The following CHML variants were observed in gnomAD, a reference collection of about 807,000 sequenced individuals.
CHML encodes CHM like Rab escort protein.
A neutral mutation model predicts 30.4 loss-of-function variants in CHML; 20 were observed. The ratio of observed to expected loss-of-function variants is 0.66; its 90% CI spans 0.46 to 0.95. CHML has a LOEUF of 0.95. Among genes scored for constraint, CHML ranks in the 40% least tolerant of loss-of-function variants. The pLI is 0.00. For missense variants in CHML, 795 were observed against 768.5 expected (o/e 1.03, Z -0.41); for synonymous variants, 281 against 275.0 (o/e 1.02, Z -0.22).
chr1:241,634,665 C>T lies in CHML; in HGVS notation c.1102G>A (p.Gly368Arg), dbSNP rs201421933. The change falls in exon 2 of 2, where the codon GGA (glycine) becomes AGA (arginine). Residue 368 changes from glycine (G) to arginine (R), a missense_variant. Gly to Arg is a moderately radical substitution (Grantham distance 125). Transcript: ENST00000366553. ...NATKNFLQCL[G>R]RFGNTPFLFP... ...AAAAAGGGGGTGTTGCCAAACCGTC[C>T]GAGACACTGAAGGAAGTTTTTAGTT... 1.1e-5 allele frequency: 17 copies of T among 1,613,764 alleles called. No individual in the cohort carries two copies. The Middle Eastern group carries it at 4.9e-4, about 47-fold the overall frequency.
In CHML at chr1:241,634,040, A is replaced by T; in HGVS notation, c.1727T>A (p.Val576Asp). 2 of 1,613,042 alleles carry T rather than the reference A, an allele frequency of 1.2e-6. No homozygotes were observed. The highest frequency in any genetic ancestry group is 1.7e-6 in the Non-Finnish European group (2 of 1,179,672). ...SYNGLPSNVY[V>D]CSGPDCGLGN... ...CAGGCCACAGTCAGGCCCAGAGCAGACATAAACATTGGAAGGCAAGCCATT... is the reference window on the plus strand; with the variant it reads ...CAGGCCACAGTCAGGCCCAGAGCAGTCATAAACATTGGAAGGCAAGCCATT... The change falls in exon 2 of 2, where the codon GTC (valine) becomes GAC (aspartate). Residue 576 changes from valine (V) to aspartate (D), a missense_variant. Coordinates refer to ENST00000366553, the MANE Select transcript of CHML (RefSeq NM_001381853.1).
Position 241,634,816 on chromosome 1 carries a change from G to A in CHML, c.951C>T (p.Phe317=), listed in dbSNP as rs1191662574. 6.2e-6 allele frequency: 10 copies of A among 1,613,446 alleles called. No individual in the cohort carries two copies. In the Admixed American group the frequency reaches 1.7e-4, roughly 27 times the overall value. Reference sequence around the variant, plus strand: ...AGTATTCTGAAAATGAACACTGCCTGAAAGCTTGGTATTCATCAGGATGTT... The same window carrying A: ...AGTATTCTGAAAATGAACACTGCCTAAAAGCTTGGTATTCATCAGGATGTT... The part of the protein sequence containing the change: ...YEQHPDEYQA[F]RQCSFSEYLK... The change falls in exon 2 of 2, where the codon TTC becomes TTT. Residue 317 remains phenylalanine (F), a synonymous_variant. Coordinates refer to ENST00000366553, the MANE Select transcript of CHML (RefSeq NM_001381853.1).
chr1:241,640,299 G>A lies in CHML; in HGVS notation c.-725C>T, dbSNP rs538114581. The stretch of plus-strand genomic sequence containing the variant: ...TGGCGGGCGGAGGCGCTCAGCTTGC[G>A]GCGGGGCTCGCGGCGCGCTCCGCAC... On this transcript the variant is annotated 5_prime_UTR_variant, in exon 1 of 2. Coordinates refer to ENST00000366553, the MANE Select transcript of CHML (RefSeq NM_001381853.1). 11,501 of 1,122,296 alleles carry A rather than the reference G, an allele frequency of 0.01. 68 individuals are homozygous for A. Among genetic ancestry groups the A allele is most frequent in the Non-Finnish European group, 0.011 (10,529 of 921,430 alleles). The allele number at this position is 1,122,296 out of a possible 1,614,324, so 69.5% of individuals were successfully genotyped here.
At chr1:241,637,775 C>CCGCACAATGCATGAGT (rs372964690) in intron 1 of CHML, among the ~76,000 whole-genome samples, 33 of 152,128 alleles carry the variant, frequency 2.2e-4, no homozygotes, top group African/African-American at 6.3e-4. Context: ...TTGAGAAAGC[C>CCGCACAATGCATGAGT]CGCACAATGC....
chr1:241,630,505 A>G lies in CHML; in HGVS notation c.*3291T>C, dbSNP rs975747628. On this transcript the variant is annotated 3_prime_UTR_variant, in exon 2 of 2. Transcript: ENST00000366553. ...GCAACTTCTTGAATTAGTCTTTGTT[A>G]GTACATTTTTATACTATAAGTTTTA... 14 of 152,106 alleles carry G rather than the reference A, an allele frequency of 9.2e-5. No homozygotes were observed. The highest frequency in any genetic ancestry group is 1.4e-4 in the African/African-American group (6 of 41,462). 9.4% of individuals were successfully genotyped at this position (152,106 alleles called of 1,614,324 possible). A position where few individuals can be genotyped will look rare whatever the true frequency, so the allele number is the denominator to read the frequency against.
At chr1:241,636,925 C>T (rs1031414084) in intron 1 of CHML, among the ~76,000 whole-genome samples, 2 of 150,570 alleles carry the variant, frequency 1.3e-5, no homozygotes, top group South Asian at 2.1e-4. Flanking sequence ...AAGACTAACA[C>T]TGTTTGTTCT....
intron 1 of CHML, among the ~76,000 whole-genome samples, chr1:241,639,609 G>C (rs1029513760): frequency 6.6e-6 from 1 of 151,840 alleles, no homozygotes; most frequent in African/African-American, 2.4e-5. Flanking sequence ...CGGGGTTTGG[G>C]GTCAACGTGG....
Position 241,634,863 on chromosome 1 carries a change from T to G in CHML, c.904A>C (p.Thr302Pro). The change falls in exon 2 of 2, where the codon ACA becomes CCA. Residue 302 changes from threonine to proline, a missense_variant. By Grantham distance (38) the Thr-to-Pro change is conservative. Coordinates refer to ENST00000366553, the MANE Select transcript of CHML (RefSeq NM_001381853.1). ...VEKRMLMKFL[T>P]FCLEYEQHPD... Reference sequence around the variant, plus strand: ...TGTTGTTCATACTCTAAACAAAATGTGAGAAATTTCATTAGCATCCTCTTT... The same window carrying G: ...TGTTGTTCATACTCTAAACAAAATGGGAGAAATTTCATTAGCATCCTCTTT... The G allele has an allele frequency of 6.2e-7, 1 of 1,609,832 alleles. No homozygotes were observed. The highest frequency in any genetic ancestry group is 8.5e-7 in the Non-Finnish European group (1 of 1,178,410).
At position 241,629,823 on chromosome 1, in the gene CHML, ATT is replaced by A. The variant is rs1664552360; in HGVS notation, c.*3971_*3972del. ...AATATTTCTTTCTTTCCATTGGCTT[ATT>A]AATTTCAGTTAAACTTTCTACTTGG... On this transcript the variant is annotated 3_prime_UTR_variant, in exon 2 of 2. Coordinates refer to ENST00000366553, the MANE Select transcript of CHML (RefSeq NM_001381853.1). The A allele has an allele frequency of 1.3e-5, 2 of 152,200 alleles. No individual in the cohort carries two copies. The highest frequency in any genetic ancestry group is 3.4e-3 in the Middle Eastern group (1 of 294). 9.4% of individuals were successfully genotyped at this position (152,200 alleles called of 1,614,324 possible).
At position 241,635,984 on chromosome 1, in the gene CHML, T is replaced by C; in HGVS notation, c.-218A>G. 1 of 509,966 alleles carries C rather than the reference T, an allele frequency of 2.0e-6. No homozygotes were observed. The allele number at this position is 509,966 out of a possible 1,614,324, so 31.6% of individuals were successfully genotyped here. On this transcript the variant is annotated 5_prime_UTR_variant, in exon 2 of 2. An upstream open reading frame in the 5' UTR loses its in-frame stop. Coordinates refer to ENST00000366553, the MANE Select transcript of CHML (RefSeq NM_001381853.1). ...TACATCTAATCACATCTGAGAATAC[T>C]AAAATGGATGTGTGGTTTCATTTCT...
chr1:241,635,265 C>T lies in CHML; in HGVS notation c.502G>A (p.Glu168Lys). Reference sequence around the variant, plus strand: ...ACTGATTCCTCTACATCAGTTACTTCTAGTGAAATCTCTGTATCACTTTTC... The same window carrying T: ...ACTGATTCCTCTACATCAGTTACTTTTAGTGAAATCTCTGTATCACTTTTC... ...TQKSDTEISL[E>K]VTDVEESVEK... Residue 168 changes from glutamate (E) to lysine (K), a missense_variant, in exon 2 of 2, where the codon GAA (glutamate) becomes AAA (lysine). Physicochemically the swap from Glu to Lys is moderately conservative, Grantham distance 56. Coordinates refer to ENST00000366553, the MANE Select transcript of CHML (RefSeq NM_001381853.1). 1 of 1,613,940 alleles carries T rather than the reference C, an allele frequency of 6.2e-7. No homozygotes were observed. Among genetic ancestry groups the T allele is most frequent in the Non-Finnish European group, 8.5e-7 (1 of 1,179,944 alleles).
Position 241,634,767 on chromosome 1 carries a change from T to C in CHML, c.1000A>G (p.Asn334Asp). 1 of 1,613,988 alleles carries C rather than the reference T, an allele frequency of 6.2e-7. No individual in the cohort carries two copies. The highest frequency in any genetic ancestry group is 8.5e-7 in the Non-Finnish European group (1 of 1,179,890). ...EYLKTKKLTP[N>D]LQHFVLHSIA... Reference sequence around the variant, plus strand: ...GAGTGCAGTACAAAATGTTGAAGGTTGGGAGTTAGTTTTTTAGTTTTTAAG... The same window carrying C: ...GAGTGCAGTACAAAATGTTGAAGGTCGGGAGTTAGTTTTTTAGTTTTTAAG... Residue 334 changes from asparagine to aspartate, a missense_variant, in exon 2 of 2, where the codon AAC becomes GAC. Coordinates refer to ENST00000366553, the MANE Select transcript of CHML (RefSeq NM_001381853.1).
rs1451779277 is a variant in CHML at position 241,630,260 on chromosome 1, T to G, written c.*3536A>C. On this transcript the variant is annotated 3_prime_UTR_variant, in exon 2 of 2. Coordinates refer to ENST00000366553, the MANE Select transcript of CHML (RefSeq NM_001381853.1). ...ACTCCCCATCTCCCCATGTACTACTTTTCCACTACACTGGCATGGCTCCCA... is the reference window on the plus strand; with the variant it reads ...ACTCCCCATCTCCCCATGTACTACTGTTCCACTACACTGGCATGGCTCCCA... The G allele has an allele frequency of 6.6e-6, 1 of 152,068 alleles. No homozygotes were observed. Among genetic ancestry groups the G allele is most frequent in the Non-Finnish European group, 1.5e-5 (1 of 67,928 alleles). The allele number at this position is 152,068 out of a possible 1,614,324, so 9.4% of individuals were successfully genotyped here. A position where few individuals can be genotyped will look rare whatever the true frequency, so the allele number is the denominator to read the frequency against.
chr1:241,635,051 T>G lies in CHML; in HGVS notation c.716A>C (p.Tyr239Ser). 6.2e-7 allele frequency: 1 copy of G among 1,613,200 alleles called. No homozygotes were observed. The highest frequency in any genetic ancestry group is 1.3e-5 in the African/African-American group (1 of 75,016). Reference sequence around the variant, plus strand: ...AAGATCAATTAGCAATCCTTGAGAATACAGCAGTTTTGACACCAAATCAAT... The same window carrying G: ...AAGATCAATTAGCAATCCTTGAGAAGACAGCAGTTTTGACACCAAATCAAT... ...FNIDLVSKLL[Y>S]SQGLLIDLLI... The change falls in exon 2 of 2, where the codon TAT (tyrosine) becomes TCT (serine). Residue 239 changes from tyrosine (Y) to serine (S), a missense_variant. Tyr to Ser is a moderately radical substitution (Grantham distance 144, BLOSUM62 -2). Transcript: ENST00000366553.
chr1:241,639,249 T>C (rs1164020913), intron 1 of CHML: 1 of 152,254 alleles, frequency 6.6e-6, no homozygotes, highest in African/African-American at 2.4e-5. Flanking sequence ...AACCCATCTA[T>C]AAGACGGAAA....
rs1664724613 is a variant in CHML at position 241,633,397 on chromosome 1, A to G, written c.*399T>C. The G allele has an allele frequency of 5.7e-6, 1 of 175,030 alleles. No homozygotes were observed. The highest frequency in any genetic ancestry group is 1.3e-4 in the South Asian group (1 of 7,848). The allele number at this position is 175,030 out of a possible 1,614,324, so 10.8% of individuals were successfully genotyped here. ...TATTCGAACAGGCCGCAGCAACTGTAACAGCTGCAAAAGTAATTAAAATAT... is the reference window on the plus strand; with the variant it reads ...TATTCGAACAGGCCGCAGCAACTGTGACAGCTGCAAAAGTAATTAAAATAT... On this transcript the variant is annotated 3_prime_UTR_variant, in exon 2 of 2. Coordinates refer to ENST00000366553, the MANE Select transcript of CHML (RefSeq NM_001381853.1).
In CHML at chr1:241,640,097, A is replaced by G; in HGVS notation, c.-523T>C. 6.2e-7 allele frequency: 1 copy of G among 1,607,486 alleles called. No individual in the cohort carries two copies. The highest frequency in any genetic ancestry group is 8.5e-7 in the Non-Finnish European group (1 of 1,177,466). ...CAGCAGGTTGTTGCCGACGCCCAGC[A>G]GCCCAATGGAGCCCAGCAGCAGCGC... On this transcript the variant is annotated 5_prime_UTR_variant, in exon 1 of 2. Transcript: ENST00000366553.
Position 241,634,629 on chromosome 1 carries a change from A to T in CHML, c.1138T>A (p.Tyr380Asn). Residue 380 changes from tyrosine to asparagine, a missense_variant, in exon 2 of 2, where the codon TAT (tyrosine) becomes AAT (asparagine). Physicochemically the swap from Tyr to Asn is moderately radical, Grantham distance 143 (BLOSUM62 -2). Transcript: ENST00000366553. ...FGNTPFLFPL[Y>N]GQGEIPQGFC... Reference sequence around the variant, plus strand: ...CCCTGGGGAATTTCTCCTTGGCCATACAAGGGAAATAAAAAGGGGGTGTTG... The same window carrying T: ...CCCTGGGGAATTTCTCCTTGGCCATTCAAGGGAAATAAAAAGGGGGTGTTG... The T allele has an allele frequency of 6.2e-7, 1 of 1,613,948 alleles. No homozygotes were observed. The highest frequency in any genetic ancestry group is 8.5e-7 in the Non-Finnish European group (1 of 1,179,886).
chr1:241,638,343 G>A (rs1664982913), intron 1 of CHML, among the ~76,000 whole-genome samples: 1 of 152,156 alleles, frequency 6.6e-6, no homozygotes, highest in African/African-American at 2.4e-5. Flanking sequence ...GAGGAAGAGG[G>A]TGGATGACAG....
Sources: gnomAD v4.1 joint callset for allele counts (sites outside exome capture counted in the v4.1 genomes callset) on GRCh38, gnomAD v4.1.1 for gene constraint, MANE v1.5 for transcripts, NCBI Gene and HGNC (gene_info 2026-07-23, HGNC 2026-07-21) for gene names.